The following ARSB variants were observed in gnomAD, a reference collection of about 807,000 sequenced individuals.
ARSB encodes N-acetylgalactosamine-4-sulfatase.
A neutral mutation model predicts 50.9 loss-of-function variants in ARSB; 41 were observed. The ratio of observed to expected loss-of-function variants is 0.81; its 90% CI spans 0.63 to 1.04. The LOEUF (loss-of-function observed/expected upper bound fraction) is 1.04, where lower values mean the gene tolerates loss of function less well. ARSB is among the 50% of genes least tolerant of loss of function. The pLI, the probability that ARSB is intolerant of heterozygous loss-of-function variation, is 0.00. For missense variants in ARSB, 672 were observed against 693.3 expected (o/e 0.97, Z 0.35); for synonymous variants, 269 against 284.8 (o/e 0.94, Z 0.56).
chr5:78,836,476 G>A (rs896178168), intron 6 of ARSB, among the ~76,000 whole-genome samples: 1 of 152,200 alleles, frequency 6.6e-6, no homozygotes, highest in Admixed American at 6.5e-5. Context: ...CAAAGAGGAT[G>A]CCTAAATTTG....
intron 4 of ARSB, among the ~76,000 whole-genome samples, chr5:78,892,864 A>C (rs1207143556): frequency 1.3e-5 from 2 of 152,222 alleles, no homozygotes; most frequent in Non-Finnish European, 2.9e-5. Flanking sequence ...TTACATCTTG[A>C]CTAAGAGCAC....
chr5:78,913,597 T>C (rs955219016), intron 4 of ARSB, among the ~76,000 whole-genome samples: 5 of 152,230 alleles, frequency 3.3e-5, no homozygotes, highest in African/African-American at 1.2e-4. Flanking sequence ...CATTTTATTT[T>C]ACAAAAGTGA....
At chr5:78,846,988 T>C (rs944013134) in intron 5 of ARSB, among the ~76,000 whole-genome samples, 4 of 152,254 alleles carry the variant, frequency 2.6e-5, no homozygotes, top group African/African-American at 9.6e-5. Flanking sequence ...AAATCCTTTT[T>C]ATGTATCTAT....
At chr5:78,822,104 G>C (rs1260371460) in intron 6 of ARSB, among the ~76,000 whole-genome samples, 2 of 152,168 alleles carry the variant, frequency 1.3e-5, no homozygotes, top group East Asian at 1.9e-4. Context: ...TTGAGAAAAA[G>C]AGATTTTTTC....
chr5:78,906,726 T>C (rs1278117126), intron 4 of ARSB, among the ~76,000 whole-genome samples: 1 of 152,184 alleles, frequency 6.6e-6, no homozygotes, highest in Non-Finnish European at 1.5e-5. Context: ...CCTCAGATAG[T>C]TGCTTTCAGT....
In ARSB at chr5:78,976,528, G is replaced by A. The variant is rs553935424; in HGVS notation, c.313-7336C>T. Among the ~76,000 whole-genome samples, 16 of 152,032 alleles carry A rather than the reference G, an allele frequency of 1.1e-4. No homozygotes were observed. In the East Asian group the frequency reaches 2.1e-3, roughly 20 times the overall value. On this transcript the variant is annotated intron_variant, in intron 1 of 7. Transcript: ENST00000264914. The stretch of plus-strand genomic sequence containing the variant: ...ATGGAATTTCACCGAGGCTGCTCTC[G>A]AACTCCTGGACTCCAGTGATCCACC...
At chr5:78,847,519 A>G (rs962585511) in intron 5 of ARSB, among the ~76,000 whole-genome samples, 21 of 152,132 alleles carry the variant, frequency 1.4e-4, no homozygotes, top group African/African-American at 4.8e-4. Flanking sequence ...ACTGGCCTAA[A>G]GTTTTCTTTT....
At chr5:78,882,591 T>G (rs1375402268) in intron 5 of ARSB, among the ~76,000 whole-genome samples, 2 of 152,122 alleles carry the variant, frequency 1.3e-5, no homozygotes, top group Non-Finnish European at 2.9e-5. Context: ...TCAAGGTATA[T>G]CCATGCGATT....
intron 6 of ARSB, chr5:78,816,144 A>T: frequency 6.2e-7 from 1 of 1,614,124 alleles, no homozygotes; most frequent in Non-Finnish European, 8.5e-7. Flanking sequence ...ACTTTCCTGA[A>T]GATATACAGA....
chr5:78,870,582 G>C (rs1747091679), intron 5 of ARSB, among the ~76,000 whole-genome samples: 1 of 150,972 alleles, frequency 6.6e-6, no homozygotes, highest in South Asian at 2.1e-4. Flanking sequence ...TATCTCAATA[G>C]ATGCAGAAAA....
At chr5:78,841,176 A>AATAATAATG (rs1227408027) in intron 5 of ARSB, among the ~76,000 whole-genome samples, 9 of 149,898 alleles carry the variant, frequency 6.0e-5, no homozygotes, top group African/African-American at 2.0e-4. Context: ...TACTAATAAT[A>AATAATAATG]ATAATAATTT....
chr5:78,892,694 T>A (rs1301412836), intron 4 of ARSB, among the ~76,000 whole-genome samples: 2 of 152,130 alleles, frequency 1.3e-5, no homozygotes, highest in African/African-American at 4.8e-5. Context: ...TCAATTATCA[T>A]AGAAAAAAAC....
At chr5:78,953,701 T>C (rs1259826718) in intron 4 of ARSB, among the ~76,000 whole-genome samples, 1 of 152,078 alleles carries the variant, frequency 6.6e-6, no homozygotes, top group East Asian at 1.9e-4. Context: ...CCAATCAAAT[T>C]GTTAGATTTC....
Position 78,780,127 on chromosome 5 carries a change from T to G in ARSB, c.*270A>C. 2.2e-6 allele frequency: 1 copy of G among 460,726 alleles called. No individual in the cohort carries two copies. The highest frequency in any genetic ancestry group is 4.0e-6 in the Non-Finnish European group (1 of 250,754). The allele number at this position is 460,726 out of a possible 1,614,324, so 28.5% of individuals were successfully genotyped here. A position where few individuals can be genotyped will look rare whatever the true frequency, so the allele number is the denominator to read the frequency against. On this transcript the variant is annotated 3_prime_UTR_variant, in exon 8 of 8. Transcript: ENST00000264914. ...TTCAGTGAGAACTTCCTATTTCAAGTTAAGTTCCCAGCTGTCCCAAGGCTT... is the reference window on the plus strand; with the variant it reads ...TTCAGTGAGAACTTCCTATTTCAAGGTAAGTTCCCAGCTGTCCCAAGGCTT...
rs59328858 is a variant in ARSB, at chr5:78,803,357, G to A, written c.1214-21383C>T. On this transcript the variant is annotated intron_variant, in intron 6 of 7. Transcript: ENST00000264914. ...TCCCTGGTATCCTTTGAACACTTGA[G>A]AGAAAGTCGGCAGCTTACTGGGGCT... Among the ~76,000 whole-genome samples, 901 of 152,350 alleles carry A rather than the reference G, an allele frequency of 5.9e-3. 11 individuals carry two copies. The highest frequency in any genetic ancestry group is 0.02 in the African/African-American group (839 of 41,580).
At chr5:78,843,527 TAAAAGC>T (rs1353913302) in intron 5 of ARSB, among the ~76,000 whole-genome samples, 2 of 152,332 alleles carry the variant, frequency 1.3e-5, no homozygotes, top group African/African-American at 4.8e-5. Context: ...TAAAGATTTA[TAAAAGC>T]ACCCAAACTT....
intron 7 of ARSB, among the ~76,000 whole-genome samples, chr5:78,781,323 CTTTTTTTTTTTTT>C (rs376851173): frequency 2.4e-4 from 18 of 75,352 alleles, no homozygotes; most frequent in African/African-American, 8.3e-4. Flanking sequence ...CTCTCTCTCT[CTTTTTTTTTTTTT>C]TTTTTTTTTT....
chr5:78,781,938 G>A lies in ARSB; in HGVS notation c.1250C>T (p.Ser417Phe), dbSNP rs1044786199. The change falls in exon 7 of 8, where the codon TCT becomes TTT. Residue 417 changes from serine (S) to phenylalanine (F), a missense_variant. Physicochemically the swap from Ser to Phe is radical, Grantham distance 155. Coordinates refer to ENST00000264914, the MANE Select transcript of ARSB (RefSeq NM_000046.5). ...AAAGGCTGAATATTCTGGAAGAGAAGAGTCATCCTTTGCTGGAGCCATGCT... is the reference window on the plus strand; with the variant it reads ...AAAGGCTGAATATTCTGGAAGAGAAAAGTCATCCTTTGCTGGAGCCATGCT... ...RNSMAPAKDD[S>F]SLPEYSAFNT... 4.3e-6 allele frequency: 7 copies of A among 1,613,986 alleles called. No individual in the cohort carries two copies. The African/African-American group carries it at 6.7e-5, about 15-fold the overall frequency.
chr5:78,790,362 C>T (rs1005566790), intron 6 of ARSB, among the ~76,000 whole-genome samples: 10 of 152,038 alleles, frequency 6.6e-5, no homozygotes, highest in Admixed American at 3.3e-4. Flanking sequence ...CTAAATGCAA[C>T]GATACATTAA....
Sources: allele counts gnomAD v4.1 joint callset (sites outside exome capture counted in the v4.1 genomes callset), GRCh38; gene constraint gnomAD v4.1.1; transcripts MANE v1.5; gene names NCBI Gene and HGNC (gene_info 2026-07-23, HGNC 2026-07-21).